Variants in CCDC85A observed in about 807,000 individuals in gnomAD.
The protein encoded by CCDC85A is coiled-coil domain-containing protein 85A.
CCDC85A carries 38 observed loss-of-function variants against 50.2 expected under a neutral mutation model. That is an observed-to-expected ratio of 0.76 (90% CI 0.58 to 0.99). The LOEUF is 0.99. CCDC85A is among the 50% of genes least tolerant of loss of function. The pLI, the probability that CCDC85A is intolerant of heterozygous loss-of-function variation, is 0.00. For missense variants in CCDC85A, 820 were observed against 742.0 expected, an observed-to-expected ratio of 1.11 and a Z score of -1.22; for synonymous variants, 366 against 301.4, an observed-to-expected ratio of 1.21 and a Z score of -2.22.
intron 2 of CCDC85A, among the ~76,000 whole-genome samples, chr2:56,324,682 T>C (rs1453952259): frequency 1.3e-5 from 2 of 152,158 alleles, no homozygotes; most frequent in African/African-American, 4.8e-5. Flanking sequence ...TTCACAATTG[T>C]GTTTATTCCA....
chr2:56,192,354 C>T lies in CCDC85A; in HGVS notation c.277-123C>T. 1 of 1,398,984 alleles carries T rather than the reference C, an allele frequency of 7.1e-7. No homozygotes were observed. The highest frequency in any genetic ancestry group is 9.6e-7 in the Non-Finnish European group (1 of 1,037,394). 86.7% of individuals were successfully genotyped at this position (1,398,984 alleles called of 1,614,324 possible). A position where few individuals can be genotyped will look rare whatever the true frequency, so the allele number is the denominator to read the frequency against. ...CAAATCTTCAGCTTCCTCCTACTCCCTCACCTCCTCCCCTAACCTCACAGG... is the reference window on the plus strand; with the variant it reads ...CAAATCTTCAGCTTCCTCCTACTCCTTCACCTCCTCCCCTAACCTCACAGG... On this transcript the variant is annotated intron_variant, in intron 1 of 5. Coordinates refer to ENST00000407595, the MANE Select transcript of CCDC85A (RefSeq NM_001080433.2). The surrounding 1 kb of genome is among the most constrained non-coding windows in gnomAD (Gnocchi z 4.7).
At chr2:56,342,258 A>C (rs561268487) in intron 2 of CCDC85A, among the ~76,000 whole-genome samples, 159 of 152,140 alleles carry the variant, frequency 1.0e-3, no homozygotes, top group African/African-American at 3.7e-3. Flanking sequence ...CTAAACATTT[A>C]AGAAAGATTT....
chr2:56,263,496 T>A (rs1670304709), intron 2 of CCDC85A, among the ~76,000 whole-genome samples: 1 of 152,216 alleles, frequency 6.6e-6, no homozygotes, highest in African/African-American at 2.4e-5. Flanking sequence ...CTCAGAGCCC[T>A]GGCCAGGATA....
At chr2:56,294,374 A>C (rs773339800) in intron 2 of CCDC85A, among the ~76,000 whole-genome samples, 6 of 152,202 alleles carry the variant, frequency 3.9e-5, no homozygotes, top group Admixed American at 1.3e-4. Flanking sequence ...AGATGTGGCA[A>C]ACCACCATGG....
At chr2:56,200,540 G>A (rs1573013821) in intron 2 of CCDC85A, among the ~76,000 whole-genome samples, 1 of 152,142 alleles carries the variant, frequency 6.6e-6, no homozygotes, top group African/African-American at 2.4e-5. Flanking sequence ...TGCTGCTCCT[G>A]ACATAAATTG....
chr2:56,328,482 C>T (rs1466916647), intron 2 of CCDC85A, among the ~76,000 whole-genome samples: 1 of 152,148 alleles, frequency 6.6e-6, no homozygotes, highest in African/African-American at 2.4e-5. Flanking sequence ...TTTCTTTCAA[C>T]AGCTCTTCGC....
chr2:56,361,416 CTCTG>C (rs1297384698), intron 3 of CCDC85A, among the ~76,000 whole-genome samples: 1 of 152,094 alleles, frequency 6.6e-6, no homozygotes, highest in African/African-American at 2.4e-5. Flanking sequence ...GAGTTAAGGC[CTCTG>C]TCTCATGCAG....
In CCDC85A at chr2:56,372,376, A is replaced by G; in HGVS notation, c.1350A>G (p.Arg450=). ...AGAATAGAAGGCAACCTCCAACTAG[A>G]AACAGCTCAAATATGGAGAAAGGCT... The part of the protein sequence containing the change: ...ASQNRRQPPT[R]NSSNMEKGWG... Residue 450 remains arginine, a synonymous_variant, in exon 4 of 6, where the codon AGA becomes AGG. Transcript: ENST00000407595. The G allele has an allele frequency of 1.9e-6, 3 of 1,592,926 alleles. No homozygotes were observed. The highest frequency in any genetic ancestry group is 1.7e-6 in the Non-Finnish European group (2 of 1,169,206).
chr2:56,324,185 T>G (rs1389136485), intron 2 of CCDC85A, among the ~76,000 whole-genome samples: 1 of 152,086 alleles, frequency 6.6e-6, no homozygotes, highest in African/African-American at 2.4e-5. Context: ...GCTAAGCCAG[T>G]AGCCTCAAAA....
chr2:56,285,605 T>C (rs1288919967), intron 2 of CCDC85A, among the ~76,000 whole-genome samples: 2 of 148,282 alleles, frequency 1.3e-5, no homozygotes, highest in Non-Finnish European at 3.0e-5. Context: ...TATTCTTATC[T>C]ACACTTCATG....
chr2:56,231,690 A>G (rs776719508), intron 2 of CCDC85A, among the ~76,000 whole-genome samples: 13 of 152,048 alleles, frequency 8.5e-5, no homozygotes, highest in Non-Finnish European at 1.8e-4. Flanking sequence ...GGGTCTCTCT[A>G]TAATGTTATC....
chr2:56,236,012 A>G (rs72919089), intron 2 of CCDC85A, among the ~76,000 whole-genome samples: 6,582 of 152,266 alleles, frequency 0.043, 442 homozygotes, highest in African/African-American at 0.15. Context: ...AATACAAAGT[A>G]TGAATAAAAA....
intron 3 of CCDC85A, among the ~76,000 whole-genome samples, chr2:56,365,566 A>T (rs530014424): frequency 4.5e-4 from 68 of 152,286 alleles, no homozygotes; most frequent in African/African-American, 1.6e-3. Flanking sequence ...AAAGAAGGAA[A>T]AATCACTCTG....
intron 2 of CCDC85A, among the ~76,000 whole-genome samples, chr2:56,240,319 G>A (rs992080195): frequency 6.6e-6 from 1 of 152,104 alleles, no homozygotes; most frequent in Non-Finnish European, 1.5e-5. Context: ...CATTTACATA[G>A]GGTATAACCG....
intron 2 of CCDC85A, among the ~76,000 whole-genome samples, chr2:56,318,908 C>G (rs1319657060): frequency 6.6e-6 from 1 of 152,078 alleles, no homozygotes; most frequent in African/African-American, 2.4e-5. Flanking sequence ...GACACAGCAG[C>G]CCATGAAAGC....
At chr2:56,264,331 C>T (rs1168225144) in intron 2 of CCDC85A, among the ~76,000 whole-genome samples, 1 of 152,060 alleles carries the variant, frequency 6.6e-6, no homozygotes, top group Non-Finnish European at 1.5e-5. Context: ...CTAATATTCC[C>T]ATCTTCCCCA....
chr2:56,288,149 A>T (rs1339173682), intron 2 of CCDC85A, among the ~76,000 whole-genome samples: 2 of 152,164 alleles, frequency 1.3e-5, no homozygotes, highest in African/African-American at 4.8e-5. Context: ...TTACAGAGGG[A>T]TGGAGTAGAC....
At chr2:56,298,442 A>G (rs1294370630) in intron 2 of CCDC85A, among the ~76,000 whole-genome samples, 1 of 152,218 alleles carries the variant, frequency 6.6e-6, no homozygotes, top group Non-Finnish European at 1.5e-5. Flanking sequence ...TTGATCTGCC[A>G]TTGGTTAAAG....
At chr2:56,382,457 C>T (rs950845399) in intron 5 of CCDC85A, among the ~76,000 whole-genome samples, 17 of 151,920 alleles carry the variant, frequency 1.1e-4, no homozygotes, top group Admixed American at 1.1e-3. Flanking sequence ...CTATTCTCTT[C>T]CCAAACAGTG....
Sources: gnomAD v4.1 joint callset for allele counts (sites outside exome capture counted in the v4.1 genomes callset) on GRCh38, gnomAD v4.1.1 for gene constraint, Gnocchi (gnomAD v3.1) non-coding constraint, MANE v1.5 for transcripts, NCBI Gene and HGNC (gene_info 2026-07-23, HGNC 2026-07-21) for gene names.